NBEA: variants seen among roughly 807,000 people sequenced by gnomAD.
NBEA encodes the protein lysosomal-trafficking regulator 2.
NBEA carries 44 observed loss-of-function variants against 343.4 expected under a neutral mutation model. That is an observed-to-expected ratio of 0.13 (90% confidence interval 0.10 to 0.16). The LOEUF is 0.16. NBEA is among the 10% of genes least tolerant of loss of function. NBEA has a pLI of 1.00. For synonymous variants in NBEA, 1,175 were observed against 1,238.7 expected (o/e 0.95, Z 1.08); for missense variants, 2,555 against 3,631.3 (o/e 0.70, Z 7.62).
At chr13:35,142,203 TA>T in intron 17 of NBEA, 65 bp from the exon 18 acceptor site, 1 of 992,098 alleles carries the variant, frequency 1.0e-6, no homozygotes, top group Non-Finnish European at 1.6e-6. Context: ...CTCTCTTATC[TA>T]AAAGTCATGT....
At chr13:35,453,904 A>C (rs1386379399) in intron 40 of NBEA, among the ~76,000 whole-genome samples, 1 of 152,220 alleles carries the variant, frequency 6.6e-6, no homozygotes, top group African/African-American at 2.4e-5. Context: ...CCTAAAGAAC[A>C]GTGAAAATAT....
chr13:34,972,299 A>G (rs953485955), intron 1 of NBEA, among the ~76,000 whole-genome samples: 2 of 151,874 alleles, frequency 1.3e-5, no homozygotes, highest in African/African-American at 4.8e-5. Flanking sequence ...TGTTGATCCA[A>G]TGAATCGTTT....
chr13:35,159,138 A>C lies in NBEA; in HGVS notation c.2967A>C (p.Ser989=), dbSNP rs756849511. The C allele has an allele frequency of 6.2e-7, 1 of 1,613,502 alleles. No homozygotes were observed. The highest frequency in any genetic ancestry group is 1.1e-5 in the South Asian group (1 of 91,070). ...GNVSTISGLS[S]QTTGAKGGME... is the part of the protein sequence containing the mutation. ...TGAGCACCATCTCTGGTCTTTCATC[A>C]CAGACAACAGGAGCAAAAGGTGGAA... is the stretch of plus-strand genomic sequence containing the variant. Residue 989 remains serine, a synonymous_variant, in exon 22 of 59, where the codon TCA becomes TCC. Coordinates refer to ENST00000379939, the MANE Select transcript of NBEA (RefSeq NM_001385012.1).
chr13:35,429,795 C>A (rs2044968314), intron 38 of NBEA, among the ~76,000 whole-genome samples: 2 of 70,188 alleles, frequency 2.8e-5, no homozygotes, highest in Admixed American at 3.2e-4. Flanking sequence ...CCCCTGAGTC[C>A]CCAACGTGTG....
chr13:35,158,979 A>G lies in NBEA; in HGVS notation c.2845-37A>G, dbSNP rs565837285. On this transcript the variant is annotated intron_variant, in intron 21 of 58. Transcript: ENST00000379939. ...ATTTAGTTTTTTCTTTTTGATATGTACAAAATGCCTTAATGTTTTCTTTAC... is the reference window on the plus strand; with the variant it reads ...ATTTAGTTTTTTCTTTTTGATATGTGCAAAATGCCTTAATGTTTTCTTTAC... 3.3e-5 allele frequency: 50 copies of G among 1,496,760 alleles called. No individual in the cohort carries two copies. The African/African-American group carries it at 4.2e-4, about 13-fold the overall frequency. The allele number at this position is 1,496,760 out of a possible 1,614,324, so 92.7% of individuals were successfully genotyped here.
chr13:35,520,680 C>T lies in NBEA; in HGVS notation c.6586-29797C>T, dbSNP rs1008994244. On this transcript the variant is annotated intron_variant, in intron 41 of 58. Transcript: ENST00000379939. ...GAATTGATTCCCCTATTTCTCTCTT[C>T]CAGTACTATTATAGATTACTTTCAC... Among the ~76,000 whole-genome samples the T allele has an allele frequency of 3.3e-5, 5 of 152,266 alleles. No homozygotes were observed. The East Asian group carries it at 5.8e-4, about 18-fold the overall frequency.
chr13:35,102,185 G>A (rs2065678557), intron 11 of NBEA, among the ~76,000 whole-genome samples: 1 of 151,210 alleles, frequency 6.6e-6, no homozygotes, highest in Non-Finnish European at 1.5e-5. Flanking sequence ...TCATCTAGCT[G>A]GCCCAGTACC....
At chr13:35,544,709 A>G (rs1373768506) in intron 41 of NBEA, among the ~76,000 whole-genome samples, 3 of 152,210 alleles carry the variant, frequency 2.0e-5, no homozygotes, top group Non-Finnish European at 4.4e-5. Context: ...CCTGACATGA[A>G]CTTTCTCCCT....
chr13:35,310,162 G>C (rs1433404867), intron 36 of NBEA, among the ~76,000 whole-genome samples: 1 of 151,924 alleles, frequency 6.6e-6, no homozygotes, highest in Non-Finnish European at 1.5e-5. Context: ...TCACTGAAAG[G>C]AAGAAACTAC....
intron 37 of NBEA, among the ~76,000 whole-genome samples, chr13:35,349,631 A>C (rs1040374720): frequency 1.3e-5 from 2 of 152,174 alleles, no homozygotes; most frequent in Non-Finnish European, 2.9e-5. Flanking sequence ...TATACATAAC[A>C]GTTATTTATT....
intron 34 of NBEA, among the ~76,000 whole-genome samples, chr13:35,265,093 C>T (rs1009635691): frequency 6.6e-6 from 1 of 151,774 alleles, no homozygotes; most frequent in African/African-American, 2.4e-5. Context: ...ACATTGACAG[C>T]AAATTATTTG....
chr13:35,096,850 G>T (rs1313495671), intron 10 of NBEA, among the ~76,000 whole-genome samples: 6 of 151,854 alleles, frequency 4.0e-5, no homozygotes, highest in Non-Finnish European at 8.8e-5. Context: ...CTTCTTTACA[G>T]AAACATTTTT....
intron 30 of NBEA, among the ~76,000 whole-genome samples, chr13:35,195,069 T>G (rs1159777224): frequency 6.6e-6 from 1 of 152,150 alleles, no homozygotes; most frequent in Non-Finnish European, 1.5e-5. Context: ...ATTGTAATTT[T>G]AAAATGATCT....
intron 48 of NBEA, among the ~76,000 whole-genome samples, chr13:35,615,129 C>CAAAAAAAAAAAAAAA (rs34475826): frequency 1.9e-4 from 21 of 110,960 alleles, no homozygotes; most frequent in Non-Finnish European, 3.1e-4. Context: ...ACTAAAAATA[C>CAAAAAAAAAAAAAAA]AAAAAAAAAA....
intron 40 of NBEA, among the ~76,000 whole-genome samples, chr13:35,454,007 T>C (rs1232674934): frequency 6.6e-6 from 1 of 152,192 alleles, no homozygotes; most frequent in Non-Finnish European, 1.5e-5. Context: ...AATGGATTTG[T>C]CATTGAGCAT....
intron 25 of NBEA, 200 bp from the exon 26 acceptor site, chr13:35,171,072 A>T (rs756274954): frequency 1.1e-5 from 8 of 707,762 alleles, no homozygotes; most frequent in Non-Finnish European, 1.8e-5. Flanking sequence ...CTTTTCCTTT[A>T]TTCAAGGATA....
rs979340352 is a variant in NBEA, at chr13:35,522,494, A to G, written c.6586-27983A>G. ...CATCTCCAAAAAAAAAAAAAAAAAA[A>G]AAAAAAAAAAAATGGATGCTGGGGA... is the stretch of plus-strand genomic sequence containing the variant. On this transcript the variant is annotated intron_variant, in intron 41 of 58. Coordinates refer to ENST00000379939, the MANE Select transcript of NBEA (RefSeq NM_001385012.1). 2.9e-3 allele frequency among the ~76,000 whole-genome samples: 404 copies of G among 138,686 alleles called. 1 individual carries two copies. The highest frequency in any genetic ancestry group is 5.4e-3 in the Non-Finnish European group (360 of 66,698). The allele number at this position is 138,686 out of a possible 152,430, so 91.0% of individuals were successfully genotyped here. A position where few individuals can be genotyped will look rare whatever the true frequency, so the allele number is the denominator to read the frequency against.
chr13:35,183,446 G>A (rs183134200), intron 29 of NBEA, among the ~76,000 whole-genome samples: 257 of 152,082 alleles, frequency 1.7e-3, no homozygotes, highest in African/African-American at 6.1e-3. Context: ...TTTTTCATAA[G>A]CATATCCTAT....
chr13:35,638,836 G>A (rs915191446), intron 49 of NBEA, among the ~76,000 whole-genome samples: 2 of 152,160 alleles, frequency 1.3e-5, no homozygotes, highest in Non-Finnish European at 2.9e-5. Flanking sequence ...CTCTCCGGAG[G>A]AAATGATGCT....
Sources: allele counts gnomAD v4.1 joint callset (sites outside exome capture counted in the v4.1 genomes callset), GRCh38; gene constraint gnomAD v4.1.1; transcripts MANE v1.5; gene names NCBI Gene and HGNC (gene_info 2026-07-23, HGNC 2026-07-21).